The following PARD3B variants were observed in gnomAD, a reference collection of about 807,000 sequenced individuals.
PARD3B encodes partitioning defective 3 homolog B.
PARD3B carries 103 observed loss-of-function variants against 130.2 expected under a neutral mutation model. The observed-to-expected ratio is 0.79, with a 90% CI of 0.67 to 0.93. The LOEUF (loss-of-function observed/expected upper bound fraction) is 0.93, where lower values mean the gene tolerates loss of function less well. PARD3B is among the 40% of genes least tolerant of loss of function. The probability of loss-of-function intolerance (pLI) is 0.00; values close to 1 mark genes in which losing one functional copy is unlikely to be tolerated. For synonymous variants in PARD3B, 583 were observed against 553.2 expected (o/e 1.05, Z -0.76); for missense variants, 1,609 against 1,499.2 (o/e 1.07, Z -1.21).
At chr2:204,629,457 C>T (rs543520518) in intron 1 of PARD3B, among the ~76,000 whole-genome samples, 2 of 152,258 alleles carry the variant, frequency 1.3e-5, no homozygotes, top group African/African-American at 4.8e-5. Flanking sequence ...CGTGTTCAGG[C>T]ATCGGTTGCA....
chr2:205,201,202 C>T (rs1286674750), intron 15 of PARD3B, among the ~76,000 whole-genome samples: 1 of 152,040 alleles, frequency 6.6e-6, no homozygotes, highest in Non-Finnish European at 1.5e-5. Flanking sequence ...GGAGAGCTCT[C>T]CTCAAATATT....
At position 205,590,489 on chromosome 2, in the gene PARD3B, A is replaced by G. The variant is rs140717194; in HGVS notation, c.3261-24967A>G. ...CTTTTATCGCGGTATGTTTTTAACCATACACAATCACTGTGCCCGAGGGGA... is the reference window on the plus strand; with the variant it reads ...CTTTTATCGCGGTATGTTTTTAACCGTACACAATCACTGTGCCCGAGGGGA... On this transcript the variant is annotated intron_variant, in intron 22 of 22. Coordinates refer to ENST00000406610, the MANE Select transcript of PARD3B (RefSeq NM_001302769.2). This position sits in a 1 kb window ranked among gnomAD's most constrained non-coding sequence, Gnocchi z 4.1. Among the ~76,000 whole-genome samples, 9 of 152,292 alleles carry G rather than the reference A, an allele frequency of 5.9e-5. No homozygotes were observed. The highest frequency in any genetic ancestry group is 1.9e-4 in the African/African-American group (8 of 41,576).
intron 2 of PARD3B, among the ~76,000 whole-genome samples, chr2:204,719,905 A>T (rs2038916269): frequency 6.6e-6 from 1 of 152,210 alleles, no homozygotes; most frequent in Non-Finnish European, 1.5e-5. Flanking sequence ...AGTTGTGAGT[A>T]AATCTCAGGA....
intron 3 of PARD3B, among the ~76,000 whole-genome samples, chr2:205,030,366 C>T (rs1218704244): frequency 6.6e-6 from 1 of 152,124 alleles, no homozygotes; most frequent in African/African-American, 2.4e-5. Flanking sequence ...GTAGTGGAGA[C>T]ATCTTTGTCA....
At chr2:204,972,646 A>C (rs1364676280) in intron 3 of PARD3B, among the ~76,000 whole-genome samples, 3 of 152,190 alleles carry the variant, frequency 2.0e-5, no homozygotes, top group Non-Finnish European at 4.4e-5. Flanking sequence ...AATATAAGAC[A>C]GTACATAAAA....
chr2:205,489,526 C>T (rs371902941), intron 20 of PARD3B, among the ~76,000 whole-genome samples: 19 of 32,530 alleles, frequency 5.8e-4, no homozygotes, highest in Non-Finnish European at 9.4e-4. Flanking sequence ...TATATATACA[C>T]ACATATATAT....
intron 20 of PARD3B, among the ~76,000 whole-genome samples, chr2:205,462,878 G>A (rs981929498): frequency 1.4e-4 from 21 of 152,118 alleles, no homozygotes; most frequent in African/African-American, 3.9e-4. Flanking sequence ...AATCTCAGAC[G>A]TGACTCACGC....
chr2:205,043,501 C>T (rs2125402102), intron 3 of PARD3B, among the ~76,000 whole-genome samples: 1 of 152,272 alleles, frequency 6.6e-6, no homozygotes, highest in South Asian at 2.1e-4. Context: ...TGTTTGACTC[C>T]AAAACCCAGG....
At position 205,201,819 on chromosome 2, in the gene PARD3B, G is replaced by A. The variant is rs113064762; in HGVS notation, c.2140+8499G>A. On this transcript the variant is annotated intron_variant, in intron 15 of 22. Transcript: ENST00000406610. ...GCCATTGCACTCCAGCCTGGGCAAC[G>A]AGAGTGAAACTCCATCTCAAAAAAT... Among the ~76,000 whole-genome samples the A allele has an allele frequency of 7.8e-3, 1,183 of 152,236 alleles. 16 individuals carry two copies. The highest frequency in any genetic ancestry group is 0.014 in the Middle Eastern group (4 of 294).
intron 2 of PARD3B, among the ~76,000 whole-genome samples, chr2:204,766,334 A>G (rs1013208008): frequency 2.0e-5 from 3 of 152,182 alleles, no homozygotes; most frequent in African/African-American, 7.2e-5. Flanking sequence ...TCTCATTATA[A>G]AAACAGTAAC....
intron 21 of PARD3B, among the ~76,000 whole-genome samples, chr2:205,515,019 T>C (rs1463521566): frequency 1.3e-5 from 2 of 152,046 alleles, no homozygotes; most frequent in African/African-American, 4.8e-5. Flanking sequence ...GACCCCAGTG[T>C]CTGTTGTTTC....
At chr2:205,496,470 T>TA (rs1299962640) in intron 20 of PARD3B, among the ~76,000 whole-genome samples, 2 of 151,820 alleles carry the variant, frequency 1.3e-5, no homozygotes, top group East Asian at 1.9e-4. Flanking sequence ...TCCATATTTT[T>TA]AAAAAATATT....
intron 2 of PARD3B, among the ~76,000 whole-genome samples, chr2:204,742,619 C>G (rs1204749726): frequency 6.6e-6 from 1 of 152,146 alleles, no homozygotes; most frequent in Non-Finnish European, 1.5e-5. Flanking sequence ...TGGATCAACA[C>G]CCTTTTCTCA....
intron 3 of PARD3B, among the ~76,000 whole-genome samples, chr2:205,017,676 A>G (rs1696254110): frequency 1.3e-5 from 2 of 151,828 alleles, no homozygotes; most frequent in Admixed American, 1.3e-4. Context: ...CCTCACCTTC[A>G]CCCATGTCAA....
intron 18 of PARD3B, among the ~76,000 whole-genome samples, chr2:205,356,335 A>ATTATTT (rs1199195647): frequency 6.6e-6 from 1 of 152,098 alleles, no homozygotes; most frequent in Non-Finnish European, 1.5e-5. Context: ...AAATGTTAAG[A>ATTATTT]TTATTTTTAT....
At chr2:204,853,889 AG>A (rs1339076777) in intron 2 of PARD3B, among the ~76,000 whole-genome samples, 3 of 152,226 alleles carry the variant, frequency 2.0e-5, no homozygotes, top group Admixed American at 2.0e-4. Context: ...AATGCTAGGT[AG>A]AAAAAGTAAA....
chr2:204,869,297 T>C (rs1390891857), intron 2 of PARD3B, among the ~76,000 whole-genome samples: 1 of 152,066 alleles, frequency 6.6e-6, no homozygotes, highest in Non-Finnish European at 1.5e-5. Context: ...AATTCTGGAG[T>C]GGGGCCCAGG....
intron 19 of PARD3B, among the ~76,000 whole-genome samples, chr2:205,420,010 AT>A (rs2046912193): frequency 6.6e-6 from 1 of 152,138 alleles, no homozygotes; most frequent in African/African-American, 2.4e-5. Context: ...AACCAAAAGC[AT>A]TTGCTGCTTT....
intron 2 of PARD3B, among the ~76,000 whole-genome samples, chr2:204,842,106 G>A (rs896686614): frequency 2.0e-5 from 3 of 152,056 alleles, no homozygotes; most frequent in Non-Finnish European, 2.9e-5. Flanking sequence ...ATTTTCTTAT[G>A]TTAGATTTCA....
Sources: gnomAD v4.1 joint callset for allele counts (sites outside exome capture counted in the v4.1 genomes callset) on GRCh38, gnomAD v4.1.1 for gene constraint, Gnocchi (gnomAD v3.1) non-coding constraint, MANE v1.5 for transcripts, NCBI Gene and HGNC (gene_info 2026-07-23, HGNC 2026-07-21) for gene names.